Variants in CEP63 observed in about 807,000 individuals in gnomAD.
CEP63 encodes centrosomal protein of 63 kDa.
In CEP63, 84 loss-of-function variants were observed where a neutral mutation model predicts 89.1. The ratio of observed to expected loss-of-function variants is 0.94; its 90% confidence interval spans 0.79 to 1.13. The LOEUF is 1.13. Among genes scored for constraint, CEP63 ranks in the 50% most tolerant of loss-of-function variants. The pLI, the probability that CEP63 is intolerant of heterozygous loss-of-function variation, is 0.00. For synonymous variants in CEP63, 267 were observed against 272.5 expected, an observed-to-expected ratio of 0.98 and a Z score of 0.20; for missense variants, 838 against 813.3, an observed-to-expected ratio of 1.03 and a Z score of -0.37.
chr3:134,636,494 A>G, the CEP63 span, among the ~76,000 whole-genome samples: 1 of 152,342 alleles, frequency 6.6e-6, no homozygotes, highest in South Asian at 2.1e-4. Context: ...CATAACAGCC[A>G]TGTGAATGAG....
chr3:134,762,040 G>A, the CEP63 span, among the ~76,000 whole-genome samples: 2 of 152,188 alleles, frequency 1.3e-5, no homozygotes, highest in Non-Finnish European at 2.9e-5. Flanking sequence ...TGAGAGGTAA[G>A]AAACCTTGAC....
At chr3:134,687,765 C>G in the CEP63 span, among the ~76,000 whole-genome samples, 4 of 152,180 alleles carry the variant, frequency 2.6e-5, no homozygotes, top group Non-Finnish European at 2.9e-5. Context: ...ATCCAGGTGG[C>G]CCCACACCTG....
At chr3:134,759,957 G>T in the CEP63 span, among the ~76,000 whole-genome samples, 1 of 151,932 alleles carries the variant, frequency 6.6e-6, no homozygotes, top group African/African-American at 2.4e-5. Flanking sequence ...CTAAAAAACA[G>T]AATTAGAACC....
chr3:134,608,285 TGAGA>T, the CEP63 span: 1 of 1,213,242 alleles, frequency 8.2e-7, no homozygotes, highest in Non-Finnish European at 1.0e-6. Context: ...CTATGTGAAC[TGAGA>T]GAGACTCACC....
the CEP63 span, among the ~76,000 whole-genome samples, chr3:134,704,977 T>C: frequency 1.3e-5 from 2 of 152,098 alleles, no homozygotes; most frequent in Admixed American, 6.5e-5. Flanking sequence ...GAACCATAGG[T>C]CCCAAATAGC....
At chr3:134,554,688 A>C (rs1442687690) in intron 12 of CEP63, among the ~76,000 whole-genome samples, 29 of 152,298 alleles carry the variant, frequency 1.9e-4, no homozygotes, top group African/African-American at 7.0e-4. Flanking sequence ...GAACTACTTT[A>C]TAGTCCCACC....
chr3:134,763,177 C>T, the CEP63 span, among the ~76,000 whole-genome samples: 164 of 151,808 alleles, frequency 1.1e-3, no homozygotes, highest in African/African-American at 3.7e-3. Flanking sequence ...TGTGCTGCAC[C>T]CAGTAACTCG....
At chr3:134,559,915 G>A (rs1023414914) in intron 14 of CEP63, among the ~76,000 whole-genome samples, 1 of 152,200 alleles carries the variant, frequency 6.6e-6, no homozygotes, top group African/African-American at 2.4e-5. Context: ...ACACCATGCC[G>A]GTCCCTTGCT....
At chr3:134,566,767 T>A (rs1220148128), downstream of CEP63, among the ~76,000 whole-genome samples, 5 of 151,040 alleles carry the variant, frequency 3.3e-5, no homozygotes, top group African/African-American at 7.3e-5. Flanking sequence ...AAAAAAAAAA[T>A]GGACAATCAC....
chr3:134,586,389 T>C (rs985800899), intron 10 of CEP63, among the ~76,000 whole-genome samples: 4 of 88,110 alleles, frequency 4.5e-5, no homozygotes, highest in Non-Finnish European at 8.1e-5. Flanking sequence ...GCAGGCCTGG[T>C]GGTGACAAAA....
At chr3:134,585,891 A>G (rs993782500) in intron 10 of CEP63, among the ~76,000 whole-genome samples, 1 of 152,276 alleles carries the variant, frequency 6.6e-6, no homozygotes. Context: ...TTGGGTGCAT[A>G]TATATTTAGG....
At chr3:134,629,583 T>C in the CEP63 span, 1 of 1,521,320 alleles carries the variant, frequency 6.6e-7, no homozygotes, top group Non-Finnish European at 9.0e-7. Flanking sequence ...CAATCCTCTC[T>C]GCCAGCCCTC....
At chr3:134,537,060 G>C (rs1287849468) in intron 5 of CEP63, 95 bp from the exon 6 acceptor site, 1 of 815,248 alleles carries the variant, frequency 1.2e-6, no homozygotes, top group East Asian at 2.5e-5. Flanking sequence ...AGCGTACCCA[G>C]GGACATGGGG....
At chr3:134,611,442 G>C in the CEP63 span, among the ~76,000 whole-genome samples, 3 of 152,236 alleles carry the variant, frequency 2.0e-5, no homozygotes, top group Non-Finnish European at 4.4e-5. Context: ...CAGCCAAGGG[G>C]ATGGACTGTG....
At chr3:134,678,991 G>A in the CEP63 span, among the ~76,000 whole-genome samples, 8 of 151,958 alleles carry the variant, frequency 5.3e-5, no homozygotes, top group African/African-American at 1.9e-4. Flanking sequence ...TTGTCTTGTA[G>A]CCTGACAAAG....
chr3:134,548,576 C>T (rs1954118165), intron 9 of CEP63, among the ~76,000 whole-genome samples: 1 of 152,158 alleles, frequency 6.6e-6, no homozygotes, highest in South Asian at 2.1e-4. Flanking sequence ...GATAAAATTG[C>T]TTTTAACATG....
downstream of CEP63, among the ~76,000 whole-genome samples, chr3:134,565,793 C>T (rs1316326050): frequency 6.6e-6 from 1 of 150,582 alleles, no homozygotes; most frequent in Non-Finnish European, 1.5e-5. Flanking sequence ...AAAAAAAAAT[C>T]ATAGACTTAA....
the CEP63 span, among the ~76,000 whole-genome samples, chr3:134,775,614 C>T: frequency 3.5e-3 from 535 of 152,242 alleles, 2 homozygotes; most frequent in African/African-American, 0.012. Flanking sequence ...GAGTCCAATA[C>T]GCCCCCTACT....
chr3:134,746,590 C>G, the CEP63 span, among the ~76,000 whole-genome samples: 1 of 152,136 alleles, frequency 6.6e-6, no homozygotes, highest in African/African-American at 2.4e-5. Context: ...TCTGTTGTTT[C>G]CTGACTTTTT....
Sources: allele counts gnomAD v4.1 joint callset (sites outside exome capture counted in the v4.1 genomes callset), GRCh38; gene constraint gnomAD v4.1.1; transcripts MANE v1.5; gene names NCBI Gene and HGNC (gene_info 2026-07-23, HGNC 2026-07-21).